Variants in IGF2BP2 observed in about 807,000 individuals in gnomAD.
The protein encoded by IGF2BP2 is insulin like growth factor 2 mRNA binding protein 2.
IGF2BP2 carries 17 observed loss-of-function variants against 75.8 expected under a neutral mutation model. That is an observed-to-expected ratio of 0.22 (90% CI 0.15 to 0.34). The LOEUF is 0.34. Ranked by LOEUF, IGF2BP2 falls within the 10% of genes least tolerant of loss-of-function variation. The probability of loss-of-function intolerance (pLI) is 1.00; values close to 1 mark genes in which losing one functional copy is unlikely to be tolerated. For missense variants in IGF2BP2, 516 were observed against 772.4 expected (o/e 0.67, Z 3.93); for synonymous variants, 288 against 295.6 (o/e 0.97, Z 0.26).
chr3:185,648,097 C>T (rs796430157), intron 14 of IGF2BP2, among the ~76,000 whole-genome samples: 2 of 152,220 alleles, frequency 1.3e-5, no homozygotes, highest in Non-Finnish European at 1.5e-5. Flanking sequence ...TTCGTTCTTT[C>T]GTATAAAGCT....
chr3:185,722,720 C>T (rs760321581), intron 2 of IGF2BP2, among the ~76,000 whole-genome samples: 10 of 152,142 alleles, frequency 6.6e-5, no homozygotes, highest in South Asian at 2.1e-4. Context: ...GCCCTTTCTA[C>T]GTCAGGGCTG....
intron 2 of IGF2BP2, among the ~76,000 whole-genome samples, chr3:185,766,257 G>A (rs1733040023): frequency 6.6e-6 from 1 of 152,038 alleles, no homozygotes; most frequent in South Asian, 2.1e-4. Flanking sequence ...AAATTTATTT[G>A]CCACTACATT....
At chr3:185,680,288 TGAGA>T (rs2149268582) in intron 7 of IGF2BP2, among the ~76,000 whole-genome samples, 1 of 152,182 alleles carries the variant, frequency 6.6e-6, no homozygotes, top group Non-Finnish European at 1.5e-5. Flanking sequence ...AGACCAATAA[TGAGA>T]GAGATTGAAT....
intron 6 of IGF2BP2, among the ~76,000 whole-genome samples, chr3:185,687,674 C>CT (rs1421501866): frequency 6.6e-6 from 1 of 152,252 alleles, no homozygotes; most frequent in Non-Finnish European, 1.5e-5. Flanking sequence ...GGCATGCCCT[C>CT]TCTCTGCCTA....
Position 185,668,141 on chromosome 3 carries a change from T to C in IGF2BP2, c.1200+4400A>G, listed in dbSNP as rs560300866. On this transcript the variant is annotated intron_variant, in intron 10 of 15. Coordinates refer to ENST00000382199, the MANE Select transcript of IGF2BP2 (RefSeq NM_006548.6). ...ATATTCATTTTGACATTGTCTATAA[T>C]ACAAAAAACTTGGAATCAACCCAAA... is the stretch of plus-strand genomic sequence containing the variant. Among the ~76,000 whole-genome samples, 18 of 152,288 alleles carry C rather than the reference T, an allele frequency of 1.2e-4. No homozygotes were observed. In the East Asian group the frequency reaches 2.1e-3, roughly 18 times the overall value.
At chr3:185,658,306 A>G in intron 11 of IGF2BP2, 35 bp downstream of exon 11, 1 of 1,593,942 alleles carries the variant, frequency 6.3e-7, no homozygotes. Context: ...CCCCAGGAGA[A>G]GTGGCAGGTG....
rs1030284936 is a variant in IGF2BP2 at position 185,662,257 on chromosome 3, C to T, written c.1201-3848G>A. On this transcript the variant is annotated intron_variant, in intron 10 of 15. Transcript: ENST00000382199. ...CTTTGGGAGGCCGAGGTAGGCAGAT[C>T]GCTTGAGGTCAGGAGTTCAAGACCA... Among the ~76,000 whole-genome samples the T allele has an allele frequency of 1.3e-4, 20 of 152,082 alleles. No homozygotes were observed. The Middle Eastern group carries it at 0.01, about 78-fold the overall frequency.
chr3:185,799,414 A>G (rs1737878933), intron 2 of IGF2BP2, among the ~76,000 whole-genome samples: 1 of 151,902 alleles, frequency 6.6e-6, no homozygotes, highest in Non-Finnish European at 1.5e-5. Context: ...CAAAACCACA[A>G]TGACATACCA....
chr3:185,794,655 A>AT (rs778121284), intron 2 of IGF2BP2, among the ~76,000 whole-genome samples: 4 of 129,422 alleles, frequency 3.1e-5, no homozygotes, highest in Non-Finnish European at 6.5e-5. Flanking sequence ...TTTCATTGTG[A>AT]TAAAAAAAAA....
chr3:185,782,339 T>C (rs1275335409), intron 2 of IGF2BP2, among the ~76,000 whole-genome samples: 1 of 152,162 alleles, frequency 6.6e-6, no homozygotes, highest in Non-Finnish European at 1.5e-5. Flanking sequence ...ATTTCTAATA[T>C]TGGTCCATTT....
At chr3:185,799,489 C>G (rs982510369) in intron 2 of IGF2BP2, among the ~76,000 whole-genome samples, 2 of 152,160 alleles carry the variant, frequency 1.3e-5, no homozygotes, top group African/African-American at 2.4e-5. Flanking sequence ...TGGCTCACGC[C>G]TGTAATCCCA....
intron 2 of IGF2BP2, 151 bp from the exon 3 acceptor site, chr3:185,698,498 A>T: frequency 1.4e-6 from 1 of 700,544 alleles, no homozygotes. Context: ...AATCATGAGC[A>T]TAGTTTTTTT....
At chr3:185,673,508 G>T (rs1200229227) in intron 9 of IGF2BP2, among the ~76,000 whole-genome samples, 1 of 152,096 alleles carries the variant, frequency 6.6e-6, no homozygotes, top group Non-Finnish European at 1.5e-5. Flanking sequence ...TTGCTTGCTT[G>T]CTTATCTTAC....
chr3:185,723,833 G>A (rs1301302689), intron 2 of IGF2BP2, among the ~76,000 whole-genome samples: 1 of 152,174 alleles, frequency 6.6e-6, no homozygotes, highest in Admixed American at 6.5e-5. Context: ...GAGGGAGGGT[G>A]TAGGAACCAG....
In IGF2BP2 at chr3:185,647,536, G is replaced by A. The variant is rs982104066; in HGVS notation, c.1594-398C>T. Among the ~76,000 whole-genome samples, 12 of 150,718 alleles carry A rather than the reference G, an allele frequency of 8.0e-5. No homozygotes were observed. The highest frequency in any genetic ancestry group is 4.2e-4 in the South Asian group (2 of 4,754). ...ACATGCTGTCCTGGGTGCTGACCACGAGCCCAAACCTCCTCTTGGTTAACT... is the reference window on the plus strand; with the variant it reads ...ACATGCTGTCCTGGGTGCTGACCACAAGCCCAAACCTCCTCTTGGTTAACT... On this transcript the variant is annotated intron_variant, in intron 14 of 15. Transcript: ENST00000382199. The surrounding 1 kb of genome is among the most constrained non-coding windows in gnomAD (Gnocchi z 4.9).
intron 12 of IGF2BP2, among the ~76,000 whole-genome samples, chr3:185,652,993 G>A (rs1329119271): frequency 6.6e-6 from 1 of 152,114 alleles, no homozygotes; most frequent in African/African-American, 2.4e-5. Flanking sequence ...TGCATTTTTA[G>A]TGAGATGGGG....
At chr3:185,783,153 C>G (rs576988720) in intron 2 of IGF2BP2, among the ~76,000 whole-genome samples, 1 of 152,314 alleles carries the variant, frequency 6.6e-6, no homozygotes, top group South Asian at 2.1e-4. Flanking sequence ...ACAGTTGAGA[C>G]ACACAAGATA....
At chr3:185,766,449 AAAAAT>A (rs1350853511) in intron 2 of IGF2BP2, among the ~76,000 whole-genome samples, 15 of 152,192 alleles carry the variant, frequency 9.9e-5, no homozygotes, top group South Asian at 4.1e-4. Context: ...TGGTTGGAAA[AAAAAT>A]AAAAAGAATA....
chr3:185,791,448 C>T (rs1032830142), intron 2 of IGF2BP2, among the ~76,000 whole-genome samples: 9 of 152,226 alleles, frequency 5.9e-5, no homozygotes, highest in Admixed American at 1.3e-4. Flanking sequence ...TCTTGAGAAA[C>T]TGCCAAGAAT....
Sources: allele counts gnomAD v4.1 joint callset (sites outside exome capture counted in the v4.1 genomes callset), GRCh38; gene constraint gnomAD v4.1.1; non-coding constraint Gnocchi (gnomAD v3.1); transcripts MANE v1.5; gene names NCBI Gene and HGNC (gene_info 2026-07-23, HGNC 2026-07-21).